The following ZBTB46 variants were observed in gnomAD, a reference collection of about 807,000 sequenced individuals.
ZBTB46 encodes zinc finger and BTB domain-containing protein 46.
In ZBTB46, 8 loss-of-function variants were observed where a neutral mutation model predicts 44.1. The ratio of observed to expected loss-of-function variants is 0.18; its 90% CI spans 0.11 to 0.33. ZBTB46 has a LOEUF of 0.33. ZBTB46 is among the 10% of genes least tolerant of loss of function. The probability of loss-of-function intolerance (pLI) is 1.00; values close to 1 mark genes in which losing one functional copy is unlikely to be tolerated. For missense variants in ZBTB46, 651 were observed against 847.7 expected, an observed-to-expected ratio of 0.77 and a Z score of 2.88; for synonymous variants, 409 against 382.3, an observed-to-expected ratio of 1.07 and a Z score of -0.81.
In ZBTB46 at chr20:63,775,675, T is replaced by C; in HGVS notation, c.1222+3A>G. On this transcript the variant is annotated splice_donor_region_variant and intron_variant, in intron 3 of 4. Coordinates refer to ENST00000245663, the MANE Select transcript of ZBTB46 (RefSeq NM_001369741.1). ...CCAAGCGGCCCCCAGGGCCTGCACT[T>C]ACGGGACAGCGAGTGGGCCCCTCTG... is the stretch of plus-strand genomic sequence containing the variant. 6.4e-7 allele frequency: 1 copy of C among 1,562,992 alleles called. No individual in the cohort carries two copies. The highest frequency in any genetic ancestry group is 1.4e-5 in the African/African-American group (1 of 73,642).
rs768494665 is a variant in ZBTB46, at chr20:63,755,500, G to A, written c.1223-2639C>T. Reference sequence around the variant, plus strand: ...TTCTCTTAGAAGGACACTTGTGATTGGACTTAGGACCCATCTGGACAATGC... The same window carrying A: ...TTCTCTTAGAAGGACACTTGTGATTAGACTTAGGACCCATCTGGACAATGC... On this transcript the variant is annotated intron_variant, in intron 3 of 4. Transcript: ENST00000245663. Among the ~76,000 whole-genome samples, 3 of 152,268 alleles carry A rather than the reference G, an allele frequency of 2.0e-5. No homozygotes were observed. The East Asian group carries it at 5.8e-4, about 29-fold the overall frequency.
At chr20:63,757,728 G>A (rs2092233644) in intron 3 of ZBTB46, among the ~76,000 whole-genome samples, 2 of 152,182 alleles carry the variant, frequency 1.3e-5, no homozygotes, top group South Asian at 2.1e-4. Flanking sequence ...TGACCCTGCA[G>A]GAACTTCCCC....
chr20:63,770,548 T>C (rs1174234568), intron 3 of ZBTB46, among the ~76,000 whole-genome samples: 1 of 152,188 alleles, frequency 6.6e-6, no homozygotes, highest in African/African-American at 2.4e-5. Flanking sequence ...TAGTTCAGTT[T>C]TTCTAGAATG....
At chr20:63,782,937 C>A (rs145025860) in intron 2 of ZBTB46, among the ~76,000 whole-genome samples, 7 of 150,412 alleles carry the variant, frequency 4.7e-5, no homozygotes, top group African/African-American at 1.7e-4. Context: ...TCCCGTCTCC[C>A]GTCATAGTGA....
Position 63,775,786 on chromosome 20 carries a change from C to A in ZBTB46, c.1114G>T (p.Ala372Ser), listed in dbSNP as rs150437727. 1 of 1,613,358 alleles carries A rather than the reference C, an allele frequency of 6.2e-7. No individual in the cohort carries two copies. ...AGGCTGTTCTTACTCATGAGCGCCG[C>A]GCGCAGGTTGGCCACCGCGGTGGCC... ...HQATAVANLR[A>S]ALMSKNSLLS... is the part of the protein sequence containing the mutation. The change falls in exon 3 of 5, where the codon GCG (alanine) becomes TCG (serine). Residue 372 changes from alanine (A) to serine (S), a missense_variant. By Grantham distance (99) the Ala-to-Ser change is moderately conservative. Coordinates refer to ENST00000245663, the MANE Select transcript of ZBTB46 (RefSeq NM_001369741.1).
At chr20:63,771,948 G>A (rs1417003593) in intron 3 of ZBTB46, among the ~76,000 whole-genome samples, 2 of 151,946 alleles carry the variant, frequency 1.3e-5, no homozygotes, top group African/African-American at 2.4e-5. Flanking sequence ...CCCGACAGGC[G>A]AAGGATGCTG....
At chr20:63,758,991 C>CAA (rs1389636695) in intron 3 of ZBTB46, among the ~76,000 whole-genome samples, 1 of 152,222 alleles carries the variant, frequency 6.6e-6, no homozygotes, top group African/African-American at 2.4e-5. Flanking sequence ...CTCGGCCTCC[C>CAA]AAAGTGCTGG....
chr20:63,772,171 T>G (rs1342434755), intron 3 of ZBTB46, among the ~76,000 whole-genome samples: 2 of 152,006 alleles, frequency 1.3e-5, no homozygotes, highest in African/African-American at 2.4e-5. Flanking sequence ...ATTTTTTGTA[T>G]TTTTAGTAGA....
chr20:63,769,129 C>T (rs2092345533), intron 3 of ZBTB46: 2 of 953,340 alleles, frequency 2.1e-6, no homozygotes, highest in Non-Finnish European at 2.5e-6. Context: ...ACCAAAGTGC[C>T]TCCTCGGAGG....
intron 1 of ZBTB46, among the ~76,000 whole-genome samples, chr20:63,798,834 ACT>A (rs1424969175): frequency 6.8e-6 from 1 of 147,928 alleles, no homozygotes; most frequent in African/African-American, 2.5e-5. Flanking sequence ...ACAGAGCGAG[ACT>A]CTGTCTAAAA....
intron 1 of ZBTB46, among the ~76,000 whole-genome samples, chr20:63,814,051 C>T (rs987355568): frequency 1.3e-5 from 2 of 151,058 alleles, no homozygotes; most frequent in African/African-American, 4.9e-5. Context: ...TGGCTAACAT[C>T]GTGAAACCCT....
intron 1 of ZBTB46, among the ~76,000 whole-genome samples, chr20:63,806,096 A>C (rs576983839): frequency 3.8e-4 from 57 of 150,806 alleles, no homozygotes; most frequent in Non-Finnish European, 6.9e-4. Context: ...AAATATTATA[A>C]TTTTCTCAGA....
chr20:63,760,701 C>G (rs1476569375), intron 3 of ZBTB46, among the ~76,000 whole-genome samples: 1 of 152,180 alleles, frequency 6.6e-6, no homozygotes, highest in African/African-American at 2.4e-5. Context: ...TCGTGATCCG[C>G]CTGCCTCGGC....
At chr20:63,788,636 C>G (rs2092534853) in intron 2 of ZBTB46, among the ~76,000 whole-genome samples, 1 of 151,876 alleles carries the variant, frequency 6.6e-6, no homozygotes, top group Non-Finnish European at 1.5e-5. Flanking sequence ...GTCAGGAGTT[C>G]GAGACCATCC....
intron 4 of ZBTB46, among the ~76,000 whole-genome samples, chr20:63,750,913 A>C (rs2092154588): frequency 1.3e-5 from 2 of 152,068 alleles, no homozygotes; most frequent in South Asian, 4.2e-4. Flanking sequence ...AAAAAAAAAC[A>C]AAAAAACAAA....
In ZBTB46 at chr20:63,774,495, C is replaced by A. The variant is rs571223295; in HGVS notation, c.1222+1183G>T. On this transcript the variant is annotated intron_variant, in intron 3 of 4. Transcript: ENST00000245663. Reference sequence around the variant, plus strand: ...TCCACACCACTCAGCACGCCTGGACCCCAGCCGCGGAGGTGGGGGCATCTC... The same window carrying A: ...TCCACACCACTCAGCACGCCTGGACACCAGCCGCGGAGGTGGGGGCATCTC... Among the ~76,000 whole-genome samples the A allele has an allele frequency of 4.6e-5, 7 of 152,234 alleles. No homozygotes were observed. In the South Asian group the frequency reaches 1.5e-3, roughly 32 times the overall value.
At chr20:63,797,029 T>G (rs2092609056) in intron 1 of ZBTB46, among the ~76,000 whole-genome samples, 1 of 152,126 alleles carries the variant, frequency 6.6e-6, no homozygotes, top group South Asian at 2.1e-4. Context: ...ATATATACTT[T>G]AAGTTCTAAG....
chr20:63,763,157 G>A (rs2092291640), intron 3 of ZBTB46, among the ~76,000 whole-genome samples: 1 of 152,164 alleles, frequency 6.6e-6, no homozygotes, highest in Non-Finnish European at 1.5e-5. Context: ...ACTGTACCCA[G>A]CCAATAAATA....
At chr20:63,819,043 T>C (rs187163076) in intron 1 of ZBTB46, among the ~76,000 whole-genome samples, 2 of 149,280 alleles carry the variant, frequency 1.3e-5, no homozygotes, top group African/African-American at 5.0e-5. Flanking sequence ...CGTGGTGGTG[T>C]GCGCCTGTAA....
Sources: gnomAD v4.1 joint callset for allele counts (sites outside exome capture counted in the v4.1 genomes callset) on GRCh38, gnomAD v4.1.1 for gene constraint, MANE v1.5 for transcripts, NCBI Gene and HGNC (gene_info 2026-07-23, HGNC 2026-07-21) for gene names.